MTF2: variants seen among roughly 807,000 people sequenced by gnomAD.
MTF2 encodes the protein metal response element binding transcription factor 2, also known as metal-response element-binding transcription factor 2.
In MTF2, 11 loss-of-function variants were observed where a neutral mutation model predicts 79.5. The observed-to-expected ratio is 0.14, with a 90% CI of 0.09 to 0.23. The LOEUF (loss-of-function observed/expected upper bound fraction) is 0.23, where lower values mean the gene tolerates loss of function less well. Among genes scored for constraint, MTF2 ranks in the 10% least tolerant of loss-of-function variants. The pLI is 1.00. For synonymous variants in MTF2, 208 were observed against 232.8 expected, an observed-to-expected ratio of 0.89 and a Z score of 0.97; for missense variants, 486 against 711.2, an observed-to-expected ratio of 0.68 and a Z score of 3.60.
rs533978309 is a variant in MTF2, at chr1:93,131,517, A to G, written c.1160+2069A>G. 3.3e-5 allele frequency among the ~76,000 whole-genome samples: 5 copies of G among 152,286 alleles called. No individual in the cohort carries two copies. The East Asian group carries it at 9.6e-4, about 29-fold the overall frequency. On this transcript the variant is annotated intron_variant, in intron 11 of 14. Transcript: ENST00000370298. The stretch of plus-strand genomic sequence containing the variant: ...CAGGGACACAGGCAGATTCAAAATA[A>G]TAACAGTAGTAAAGGAAAGGAGGAA...
At chr1:93,128,283 C>T (rs545589809) in intron 10 of MTF2, among the ~76,000 whole-genome samples, 292 of 152,100 alleles carry the variant, frequency 1.9e-3, no homozygotes, top group African/African-American at 6.9e-3. Context: ...TTTGGTTGGG[C>T]GTGGTGGCTC....
At chr1:93,098,301 G>A (rs1012939782) in intron 1 of MTF2, among the ~76,000 whole-genome samples, 4 of 152,136 alleles carry the variant, frequency 2.6e-5, no homozygotes, top group Admixed American at 1.3e-4. Flanking sequence ...CCTGCCTTTT[G>A]CTTCTGGACA....
At chr1:93,097,694 T>A (rs1655353925) in intron 1 of MTF2, among the ~76,000 whole-genome samples, 1 of 152,044 alleles carries the variant, frequency 6.6e-6, no homozygotes, top group East Asian at 1.9e-4. Flanking sequence ...ACCTCCCGGG[T>A]TCGAGCAGTT....
intron 5 of MTF2, 35 bp from the exon 6 acceptor site, chr1:93,115,435 C>T (rs566843): frequency 0.74 from 1,074,952 of 1,455,570 alleles, 408,543 homozygotes; most frequent in East Asian, 0.93. Flanking sequence ...AAATTTTAGC[C>T]TTCACTCTTT....
At chr1:93,129,833 G>C (rs1364792749) in intron 11 of MTF2, among the ~76,000 whole-genome samples, 1 of 152,112 alleles carries the variant, frequency 6.6e-6, no homozygotes, top group Non-Finnish European at 1.5e-5. Flanking sequence ...GCAGTACAAT[G>C]ACAGATAGAT....
Position 93,120,632 on chromosome 1 carries a change from C to T in MTF2, c.881C>T (p.Thr294Ile). Residue 294 changes from threonine to isoleucine, a missense_variant, in exon 9 of 15, where the codon ACA becomes ATA. Physicochemically the swap from Thr to Ile is moderately conservative, Grantham distance 89. Around this residue, in one of 4 missense-constraint regions of MTF2, gnomAD observed 177 missense variants for 364.0 expected, o/e 0.49. Transcript: ENST00000370298. ...KYFDSELELMTYINENWDRLH... is the reference protein window; with the variant it reads ...KYFDSELELMIYINENWDRLH... ...TTTGATTCTGAACTTGAGCTTATGA[C>T]ATACATTAATGAAAACTGGGATAGA... 6.2e-7 allele frequency: 1 copy of T among 1,611,242 alleles called. No individual in the cohort carries two copies. The highest frequency in any genetic ancestry group is 1.3e-5 in the African/African-American group (1 of 74,782).
chr1:93,102,368 G>T (rs149096277), intron 1 of MTF2, among the ~76,000 whole-genome samples: 2 of 152,208 alleles, frequency 1.3e-5, no homozygotes, highest in South Asian at 2.1e-4. Context: ...GGAGGCCAAA[G>T]CGGAGGGATT....
At chr1:93,110,104 CT>C in intron 1 of MTF2, 125 bp from the exon 2 acceptor site, 1 of 877,924 alleles carries the variant, frequency 1.1e-6, no homozygotes, top group South Asian at 1.8e-5. Flanking sequence ...ATTTGAGGTA[CT>C]TTTTATATTT....
At chr1:93,129,830 A>G (rs1656847308) in intron 11 of MTF2, among the ~76,000 whole-genome samples, 1 of 152,144 alleles carries the variant, frequency 6.6e-6, no homozygotes, top group Admixed American at 6.5e-5. Flanking sequence ...TAGGCAGTAC[A>G]ATGACAGATA....
chr1:93,085,622 G>A (rs990582450), intron 1 of MTF2, among the ~76,000 whole-genome samples: 6 of 152,002 alleles, frequency 3.9e-5, no homozygotes, highest in African/African-American at 1.5e-4. Flanking sequence ...GAGTAGCTAG[G>A]ACTACAAGTG....
At chr1:93,110,509 T>C (rs1380654174) in intron 2 of MTF2, 36 bp from the exon 3 acceptor site, 1 of 1,602,818 alleles carries the variant, frequency 6.2e-7, no homozygotes, top group South Asian at 1.1e-5. Context: ...TTTTTAATTT[T>C]AAGAGATCAC....
chr1:93,095,021 CT>C (rs935837527), intron 1 of MTF2, among the ~76,000 whole-genome samples: 1 of 151,752 alleles, frequency 6.6e-6, no homozygotes, highest in African/African-American at 2.4e-5. Context: ...TTCCAAGTGT[CT>C]TTTTTTTCAG....
rs373542374 is a variant in MTF2, at chr1:93,110,645, C to T, written c.286+19C>T. The T allele has an allele frequency of 2.6e-5, 40 of 1,561,176 alleles. No individual in the cohort carries two copies. Among genetic ancestry groups the T allele is most frequent in the Non-Finnish European group, 3.2e-5 (36 of 1,137,320 alleles). The stretch of plus-strand genomic sequence containing the variant: ...CAAACAGGCAGGTGCTACTATTTCT[C>T]TTGAACATGATTTAAATTAAAATTT... On this transcript the variant is annotated intron_variant, in intron 3 of 14. Coordinates refer to ENST00000370298, the MANE Select transcript of MTF2 (RefSeq NM_007358.4).
At chr1:93,100,479 G>GT (rs1202831088) in intron 1 of MTF2, among the ~76,000 whole-genome samples, 8 of 151,992 alleles carry the variant, frequency 5.3e-5, no homozygotes, top group African/African-American at 1.9e-4. Flanking sequence ...TAATTTTTTA[G>GT]TATTTTTAGT....
chr1:93,121,425 T>C (rs1193372603), intron 9 of MTF2: 2 of 898,298 alleles, frequency 2.2e-6, no homozygotes, highest in African/African-American at 3.6e-5. Context: ...TTTTATAATA[T>C]GGAATTTGAT....
intron 1 of MTF2, among the ~76,000 whole-genome samples, chr1:93,108,111 C>T (rs1034440032): frequency 7.9e-5 from 12 of 152,176 alleles, no homozygotes; most frequent in Middle Eastern, 3.2e-3. Context: ...AACAGTTTTG[C>T]TCCTACATAC....
intron 6 of MTF2, among the ~76,000 whole-genome samples, chr1:93,117,630 G>C (rs1656300435): frequency 6.6e-6 from 1 of 152,120 alleles, no homozygotes; most frequent in Admixed American, 6.5e-5. Flanking sequence ...ATATGAAGTG[G>C]AATGTTTATA....
At chr1:93,135,961 A>G (rs530767507) in intron 14 of MTF2, among the ~76,000 whole-genome samples, 22 of 152,380 alleles carry the variant, frequency 1.4e-4, no homozygotes, top group African/African-American at 4.8e-4. Context: ...TAACTTATAC[A>G]GTATGACTGT....
chr1:93,117,631 A>G (rs1656300524), intron 6 of MTF2, among the ~76,000 whole-genome samples: 1 of 152,188 alleles, frequency 6.6e-6, no homozygotes. Context: ...TATGAAGTGG[A>G]ATGTTTATAA....
Sources: gnomAD v4.1 joint callset for allele counts (sites outside exome capture counted in the v4.1 genomes callset) on GRCh38, gnomAD v4.1.1 for gene constraint, gnomAD v4.1.1 regional missense constraint, MANE v1.5 for transcripts, NCBI Gene and HGNC (gene_info 2026-07-23, HGNC 2026-07-21) for gene names.